The following STAG3 variants were observed in gnomAD, a reference collection of about 807,000 sequenced individuals.
STAG3 encodes STAG3 cohesin complex component.
Under a neutral mutation model 160.7 loss-of-function variants are expected in STAG3, and 101 were observed. The ratio of observed to expected loss-of-function variants is 0.63; its 90% CI spans 0.54 to 0.74. The LOEUF is 0.74. Ranked by LOEUF, STAG3 falls within the 30% of genes least tolerant of loss-of-function variation. The pLI is 0.00. For missense variants in STAG3, 1,188 were observed against 1,517.4 expected (o/e 0.78, Z 3.61); for synonymous variants, 519 against 585.0 (o/e 0.89, Z 1.63).
At chr7:100,196,432 C>G (rs563368152) in intron 9 of STAG3, among the ~76,000 whole-genome samples, 2 of 151,984 alleles carry the variant, frequency 1.3e-5, no homozygotes, top group African/African-American at 4.8e-5. Flanking sequence ...AGGCGCCCAC[C>G]ACCATGCTTG....
chr7:100,203,986 A>ATTG lies in STAG3; in HGVS notation c.2701-35_2701-34insTTG, dbSNP rs1801392842. The ATTG allele has an allele frequency of 2.1e-6, 3 of 1,442,980 alleles. No homozygotes were observed. In the African/African-American group the frequency reaches 4.2e-5, roughly 20 times the overall value. The allele number at this position is 1,442,980 out of a possible 1,614,324, so 89.4% of individuals were successfully genotyped here. A position where few individuals can be genotyped will look rare whatever the true frequency, so the allele number is the denominator to read the frequency against. On this transcript the variant is annotated intron_variant, in intron 25 of 33. Coordinates refer to ENST00000615138, the MANE Select transcript of STAG3 (RefSeq NM_001282717.2). ...AAGAAACCAAATGGTCTTTTCCACC[A>ATTG]GTCAGACATTACCTTCCCCACTCTT...
chr7:100,184,546 C>T (rs1799870041), intron 4 of STAG3, among the ~76,000 whole-genome samples: 1 of 141,526 alleles, frequency 7.1e-6, no homozygotes, highest in South Asian at 2.3e-4. Context: ...TGGCTCACTG[C>T]AACCTCCACC....
rs370339908 is a variant in STAG3 at position 100,202,312 on chromosome 7, C to G, written c.2535C>G (p.Val845=). 88 of 1,614,058 alleles carry G rather than the reference C, an allele frequency of 5.5e-5. No individual in the cohort carries two copies. The highest frequency in any genetic ancestry group is 6.9e-5 in the Non-Finnish European group (82 of 1,180,052). Residue 845 remains valine, a synonymous_variant, in exon 24 of 34, where the codon GTC becomes GTG. Coordinates refer to ENST00000615138, the MANE Select transcript of STAG3 (RefSeq NM_001282717.2). ...TAGCCAGCTTCCTCATGGACCACGTCTTCATCCAGCCGGGAGACCTGGGCA... is the reference window on the plus strand; with the variant it reads ...TAGCCAGCTTCCTCATGGACCACGTGTTCATCCAGCCGGGAGACCTGGGCA... ...SELASFLMDH[V]FIQPGDLGSG... is the part of the protein sequence containing the mutation.
At chr7:100,179,916 G>A (rs1416338649) in intron 1 of STAG3, among the ~76,000 whole-genome samples, 1 of 152,146 alleles carries the variant, frequency 6.6e-6, no homozygotes, top group Non-Finnish European at 1.5e-5. Context: ...TGTATTTTTA[G>A]TAGAAATGGG....
rs566244080 is a variant in STAG3 at position 100,201,719 on chromosome 7, G to A, written c.2221-67G>A. On this transcript the variant is annotated intron_variant, in intron 21 of 33. Transcript: ENST00000615138. ...CATTTTCTCTCCTCTTCACTGGTGT[G>A]TTTCTGGCTATCTGTCTCTCCCTCT... 63 of 1,370,184 alleles carry A rather than the reference G, an allele frequency of 4.6e-5. No individual in the cohort carries two copies. The African/African-American group carries it at 8.6e-4, about 19-fold the overall frequency. 84.9% of individuals were successfully genotyped at this position (1,370,184 alleles called of 1,614,324 possible).
At chr7:100,192,761 G>C (rs1389201400) in intron 8 of STAG3, among the ~76,000 whole-genome samples, 1 of 152,032 alleles carries the variant, frequency 6.6e-6, no homozygotes, top group African/African-American at 2.4e-5. Context: ...GCTAGTTTTT[G>C]TTTTGTTTCT....
At chr7:100,196,780 G>C (rs976368986) in intron 9 of STAG3, among the ~76,000 whole-genome samples, 1 of 152,050 alleles carries the variant, frequency 6.6e-6, no homozygotes, top group Non-Finnish European at 1.5e-5. Flanking sequence ...AACAGGTGGA[G>C]TGGAGAATTA....
At chr7:100,211,672 A>G in intron 31 of STAG3, 123 bp from the exon 32 acceptor site, 2 of 1,405,160 alleles carry the variant, frequency 1.4e-6, no homozygotes, top group Non-Finnish European at 2.0e-6. Flanking sequence ...TCCTGTCAGC[A>G]CAATCGGGAA....
rs147246504 is a variant in STAG3, at chr7:100,189,667, A to T, written c.867+71A>T. 2.5e-3 allele frequency: 3,780 copies of T among 1,537,232 alleles called. 25 individuals carry two copies. Among genetic ancestry groups the T allele is most frequent in the African/African-American group, 0.021 (1,518 of 72,562 alleles). Reference sequence around the variant, plus strand: ...ACCCACTTCTGCCACAGACCCCCTTATCAGGCCCTGGGCAGTCTTTCAAGA... The same window carrying T: ...ACCCACTTCTGCCACAGACCCCCTTTTCAGGCCCTGGGCAGTCTTTCAAGA... On this transcript the variant is annotated intron_variant, in intron 8 of 33. Coordinates refer to ENST00000615138, the MANE Select transcript of STAG3 (RefSeq NM_001282717.2).
chr7:100,183,691 G>A (rs1799795592), intron 4 of STAG3, among the ~76,000 whole-genome samples: 1 of 152,036 alleles, frequency 6.6e-6, no homozygotes, highest in Non-Finnish European at 1.5e-5. Context: ...ATTACCCACA[G>A]GTAAACACTA....
At chr7:100,206,461 C>T (rs765040686) in intron 29 of STAG3, among the ~76,000 whole-genome samples, 2 of 151,668 alleles carry the variant, frequency 1.3e-5, no homozygotes, top group Non-Finnish European at 2.9e-5. Flanking sequence ...ATACAACTTA[C>T]ATATCATAAA....
At chr7:100,183,431 G>A (rs1799780706) in intron 4 of STAG3, among the ~76,000 whole-genome samples, 1 of 152,196 alleles carries the variant, frequency 6.6e-6, no homozygotes, top group South Asian at 2.1e-4. Flanking sequence ...GATGTGGGTG[G>A]CACCTTGTTC....
At chr7:100,185,028 T>TG (rs1451560637) in intron 4 of STAG3, among the ~76,000 whole-genome samples, 8 of 152,010 alleles carry the variant, frequency 5.3e-5, no homozygotes, top group African/African-American at 1.9e-4. Flanking sequence ...GACAGTTGTC[T>TG]GGGGACACTC....
chr7:100,211,724 G>T, intron 31 of STAG3, 71 bp from the exon 32 acceptor site: 1 of 1,542,242 alleles, frequency 6.5e-7, no homozygotes, highest in Non-Finnish European at 8.9e-7. Flanking sequence ...CCCCCACCCC[G>T]GGTGTCTGAG....
chr7:100,184,037 G>A (rs1234517419), intron 4 of STAG3, among the ~76,000 whole-genome samples: 5 of 152,104 alleles, frequency 3.3e-5, no homozygotes, highest in Non-Finnish European at 7.4e-5. Flanking sequence ...AGGCTGAGGC[G>A]GGCAGATCAC....
chr7:100,190,832 A>G (rs1800303924), intron 8 of STAG3, among the ~76,000 whole-genome samples: 1 of 152,180 alleles, frequency 6.6e-6, no homozygotes, highest in Non-Finnish European at 1.5e-5. Flanking sequence ...TTTCTAAACC[A>G]ATGACTTCCT....
intron 15 of STAG3, 26 bp downstream of exon 15, chr7:100,199,393 A>G (rs770596809): frequency 4.4e-6 from 7 of 1,600,886 alleles, no homozygotes; most frequent in African/African-American, 2.7e-5. Context: ...AGCCAGGGAC[A>G]GGGACCTTCC....
chr7:100,183,284 G>T (rs1041731210), intron 4 of STAG3, among the ~76,000 whole-genome samples: 49 of 152,310 alleles, frequency 3.2e-4, no homozygotes, highest in African/African-American at 1.1e-3. Context: ...AAAGTGCTGG[G>T]ATTACAGGCG....
At chr7:100,193,363 C>G (rs1800458786) in intron 8 of STAG3, among the ~76,000 whole-genome samples, 1 of 152,158 alleles carries the variant, frequency 6.6e-6, no homozygotes, top group Non-Finnish European at 1.5e-5. Flanking sequence ...GTCAGGCTGT[C>G]CGTTGAAGCT....
Sources: allele counts gnomAD v4.1 joint callset (sites outside exome capture counted in the v4.1 genomes callset), GRCh38; gene constraint gnomAD v4.1.1; transcripts MANE v1.5; gene names NCBI Gene and HGNC (gene_info 2026-07-23, HGNC 2026-07-21).